Variants in PLD5 observed in about 807,000 individuals in gnomAD.
The protein encoded by PLD5 is phospholipase D family member 5, also known as inactive phospholipase D5.
PLD5 carries 36 observed loss-of-function variants against 61.1 expected under a neutral mutation model. The ratio of observed to expected loss-of-function variants is 0.59; its 90% CI spans 0.45 to 0.78. The LOEUF (loss-of-function observed/expected upper bound fraction) is 0.78, where lower values mean the gene tolerates loss of function less well. PLD5 is among the 30% of genes least tolerant of loss of function. The probability of loss-of-function intolerance (pLI) is 0.00; values close to 1 mark genes in which losing one functional copy is unlikely to be tolerated. For synonymous variants in PLD5, 243 were observed against 242.8 expected, an observed-to-expected ratio of 1.00 and a Z score of -0.01; for missense variants, 515 against 644.4, an observed-to-expected ratio of 0.80 and a Z score of 2.17.
intron 5 of PLD5, among the ~76,000 whole-genome samples, chr1:242,168,060 C>T (rs904566377): frequency 6.6e-6 from 1 of 152,174 alleles, no homozygotes; most frequent in African/African-American, 2.4e-5. Context: ...AAACAAACAC[C>T]TAGTGAGAAT....
At position 242,419,408 on chromosome 1, in the gene PLD5, C is replaced by CG. The variant is rs1665011781; in HGVS notation, c.190-71167dup. 2.0e-5 allele frequency among the ~76,000 whole-genome samples: 2 copies of CG among 100,590 alleles called. 1 individual carries two copies. The highest frequency in any genetic ancestry group is 2.2e-4 in the Admixed American group (2 of 9,076). The allele number at this position is 100,590 out of a possible 152,430, so 66.0% of individuals were successfully genotyped here. ...TTTGTTTTTTTTTTTTTTTTTTTGGCGGGGGGAGACAGAGTCTCGCACTGT... is the reference window on the plus strand; with the variant it reads ...TTTGTTTTTTTTTTTTTTTTTTTGGCGGGGGGGAGACAGAGTCTCGCACTGT... On this transcript the variant is annotated intron_variant, in intron 1 of 9. Transcript: ENST00000536534.
At position 242,289,277 on chromosome 1, in the gene PLD5, C is replaced by A. The variant is rs1405305109; in HGVS notation, c.327-747G>T. On this transcript the variant is annotated intron_variant, in intron 2 of 9. Transcript: ENST00000536534. ...TTTTTTTCACTTCTGAATTAGGTGACAGATAACTTCTGAACAAAGGAATGA... is the reference window on the plus strand; with the variant it reads ...TTTTTTTCACTTCTGAATTAGGTGAAAGATAACTTCTGAACAAAGGAATGA... Among the ~76,000 whole-genome samples the A allele has an allele frequency of 1.3e-5, 2 of 152,112 alleles. 1 individual carries two copies. The highest frequency in any genetic ancestry group is 2.9e-5 in the Non-Finnish European group (2 of 68,034).
chr1:242,176,959 G>T (rs907133292), intron 5 of PLD5, among the ~76,000 whole-genome samples: 3 of 152,304 alleles, frequency 2.0e-5, no homozygotes, highest in South Asian at 4.1e-4. Context: ...AAATAGGAAA[G>T]CTTGCACACT....
rs1312246739 is a variant in PLD5 at position 242,124,827 on chromosome 1, T to TA, written c.736-163dup. Reference sequence around the variant, plus strand: ...TATGGTACATAGAGGTGATATGTTATAAAAATGCTAAATATTTAAGTAAAA... The same window carrying TA: ...TATGGTACATAGAGGTGATATGTTATAAAAAATGCTAAATATTTAAGTAAAA... On this transcript the variant is annotated intron_variant, in intron 5 of 9. Transcript: ENST00000536534. Among the ~76,000 whole-genome samples, 4 of 152,352 alleles carry TA rather than the reference T, an allele frequency of 2.6e-5. 1 individual carries two copies. The Middle Eastern group carries it at 0.014, about 518-fold the overall frequency.
At chr1:242,270,978 C>T (rs1674029764) in intron 3 of PLD5, among the ~76,000 whole-genome samples, 1 of 152,086 alleles carries the variant, frequency 6.6e-6, no homozygotes, top group Admixed American at 6.6e-5. Flanking sequence ...ACAGGCGATA[C>T]AGGCTCCTGG....
chr1:242,097,272 G>A (rs1406400601), intron 9 of PLD5, among the ~76,000 whole-genome samples: 1 of 152,174 alleles, frequency 6.6e-6, no homozygotes, highest in South Asian at 2.1e-4. Flanking sequence ...CCCAGTAATA[G>A]GATGGCTGGG....
chr1:242,435,036 C>A (rs542760065), intron 1 of PLD5, among the ~76,000 whole-genome samples: 6 of 142,158 alleles, frequency 4.2e-5, no homozygotes, highest in Non-Finnish European at 9.0e-5. Flanking sequence ...CCTCCTCACT[C>A]CCCAGCCCTT....
At chr1:242,457,965 A>C (rs893436947) in intron 1 of PLD5, among the ~76,000 whole-genome samples, 3 of 152,190 alleles carry the variant, frequency 2.0e-5, no homozygotes, top group African/African-American at 7.2e-5. Context: ...CAACCTTCAG[A>C]AGAAGGAACC....
At chr1:242,288,057 T>C (rs566683726) in intron 3 of PLD5, among the ~76,000 whole-genome samples, 16 of 152,338 alleles carry the variant, frequency 1.1e-4, no homozygotes, top group African/African-American at 3.4e-4. Flanking sequence ...GACCATGCCA[T>C]TGACAGAGAT....
rs551892508 is a variant in PLD5, at chr1:242,166,109, C to T, written c.736-41444G>A. Among the ~76,000 whole-genome samples, 98 of 152,314 alleles carry T rather than the reference C, an allele frequency of 6.4e-4. 2 individuals are homozygous for T. Among genetic ancestry groups the T allele is most frequent in the African/African-American group, 1.6e-3 (66 of 41,566 alleles). On this transcript the variant is annotated intron_variant, in intron 5 of 9. Transcript: ENST00000536534. ...CACCATCTGAAGAACCAGGGGCTAT[C>T]CCAGGCTGGGTTTTCCCTGGGACAC...
At chr1:242,213,673 G>T (rs1574530470) in intron 5 of PLD5, among the ~76,000 whole-genome samples, 1 of 151,538 alleles carries the variant, frequency 6.6e-6, no homozygotes, top group East Asian at 1.9e-4. Context: ...TACAGTCCTG[G>T]ATTCTCCCAG....
In PLD5 at chr1:242,403,650, T is replaced by TA. The variant is rs554883514; in HGVS notation, c.190-55409dup. On this transcript the variant is annotated intron_variant, in intron 1 of 9. Coordinates refer to ENST00000536534, the MANE Select transcript of PLD5 (RefSeq NM_001372062.1). ...TGGGTAATTTTTTGTATTTTTTTTTTAGAGACAGAGTTTCACCATGTTGGC... is the reference window on the plus strand; with the variant it reads ...TGGGTAATTTTTTGTATTTTTTTTTTAAGAGACAGAGTTTCACCATGTTGGC... 6.5e-4 allele frequency among the ~76,000 whole-genome samples: 99 copies of TA among 152,000 alleles called. 1 individual carries two copies. The Middle Eastern group carries it at 0.01, about 16-fold the overall frequency.
At chr1:242,187,298 T>C (rs529989326) in intron 5 of PLD5, among the ~76,000 whole-genome samples, 77 of 152,298 alleles carry the variant, frequency 5.1e-4, no homozygotes, top group African/African-American at 1.7e-3. Flanking sequence ...TCAGCCCCCT[T>C]TTGACCATGA....
At chr1:242,166,618 T>G (rs530356567) in intron 5 of PLD5, among the ~76,000 whole-genome samples, 1 of 152,364 alleles carries the variant, frequency 6.6e-6, no homozygotes, top group East Asian at 1.9e-4. Flanking sequence ...CTGATTTTAT[T>G]CAGCAAGTGA....
chr1:242,112,302 T>TGG (rs1471832639), intron 7 of PLD5, among the ~76,000 whole-genome samples: 3 of 101,380 alleles, frequency 3.0e-5, no homozygotes, highest in Non-Finnish European at 1.8e-5. Context: ...TGTGTGTGTG[T>TGG]GTGTGTGTGT....
intron 5 of PLD5, among the ~76,000 whole-genome samples, chr1:242,126,329 G>A (rs1662780503): frequency 6.6e-6 from 1 of 152,046 alleles, no homozygotes. Context: ...ATTCATATGG[G>A]ACGAAAAAGC....
At chr1:242,167,927 G>C (rs1182002240) in intron 5 of PLD5, among the ~76,000 whole-genome samples, 1 of 152,200 alleles carries the variant, frequency 6.6e-6, no homozygotes, top group Non-Finnish European at 1.5e-5. Context: ...ATGAATGTTT[G>C]CTGGAGGAGG....
At chr1:242,161,584 G>A (rs1293149541) in intron 5 of PLD5, among the ~76,000 whole-genome samples, 2 of 152,096 alleles carry the variant, frequency 1.3e-5, no homozygotes, top group African/African-American at 4.8e-5. Context: ...GAATATTTAA[G>A]TTTTGTCCAG....
chr1:242,474,114 C>G (rs1667518878), intron 1 of PLD5, among the ~76,000 whole-genome samples: 1 of 152,200 alleles, frequency 6.6e-6, no homozygotes, highest in Non-Finnish European at 1.5e-5. Flanking sequence ...GAAGTTAAGT[C>G]TGAGCTGAGA....
Sources: allele counts gnomAD v4.1 joint callset (sites outside exome capture counted in the v4.1 genomes callset), GRCh38; gene constraint gnomAD v4.1.1; transcripts MANE v1.5; gene names NCBI Gene and HGNC (gene_info 2026-07-23, HGNC 2026-07-21).